KCNIP4: variants seen among roughly 807,000 people sequenced by gnomAD.
KCNIP4 encodes the protein potassium voltage-gated channel interacting protein 4.
KCNIP4 carries 12 observed loss-of-function variants against 34.0 expected under a neutral mutation model. The ratio of observed to expected loss-of-function variants is 0.35; its 90% confidence interval spans 0.23 to 0.57. KCNIP4 has a LOEUF of 0.57. Among genes scored for constraint, KCNIP4 ranks in the 20% least tolerant of loss-of-function variants. The probability of loss-of-function intolerance (pLI) is 0.83; values close to 1 mark genes in which losing one functional copy is unlikely to be tolerated. For synonymous variants in KCNIP4, 124 were observed against 102.2 expected, an observed-to-expected ratio of 1.21 and a Z score of -1.29; for missense variants, 238 against 311.7, an observed-to-expected ratio of 0.76 and a Z score of 1.78.
At chr4:21,017,923 T>G (rs1184307934) in intron 1 of KCNIP4, among the ~76,000 whole-genome samples, 1 of 152,216 alleles carries the variant, frequency 6.6e-6, no homozygotes, top group East Asian at 1.9e-4. Flanking sequence ...GGTTTTGATT[T>G]GCATTTCTCC....
At chr4:20,947,694 A>G (rs1732330988) in intron 1 of KCNIP4, among the ~76,000 whole-genome samples, 1 of 152,228 alleles carries the variant, frequency 6.6e-6, no homozygotes, top group African/African-American at 2.4e-5. Flanking sequence ...TCCTTCTGAG[A>G]TAAGGAGAAT....
intron 1 of KCNIP4, among the ~76,000 whole-genome samples, chr4:21,449,212 T>A (rs927542640): frequency 4.6e-5 from 7 of 152,204 alleles, no homozygotes; most frequent in Non-Finnish European, 8.8e-5. Flanking sequence ...TGGTTGAATT[T>A]TAAAATTGCC....
At chr4:21,167,643 T>C (rs1362547958) in intron 1 of KCNIP4, among the ~76,000 whole-genome samples, 1 of 152,214 alleles carries the variant, frequency 6.6e-6, no homozygotes, top group Non-Finnish European at 1.5e-5. Flanking sequence ...CCCTTAAAGA[T>C]TAGTTCACCA....
At chr4:21,086,144 A>AT (rs995677071) in intron 1 of KCNIP4, among the ~76,000 whole-genome samples, 9 of 152,202 alleles carry the variant, frequency 5.9e-5, no homozygotes, top group Middle Eastern at 3.4e-3. Context: ...GAGTAGTTGT[A>AT]TTTTTTTCAT....
rs920284393 is a variant in KCNIP4 at position 21,117,311 on chromosome 4, G to T, written c.62-234602C>A. Among the ~76,000 whole-genome samples the T allele has an allele frequency of 1.5e-3, 210 of 135,656 alleles. 8 individuals are homozygous for T. The highest frequency in any genetic ancestry group is 5.3e-3 in the African/African-American group (197 of 37,064). The allele number at this position is 135,656 out of a possible 152,430, so 89.0% of individuals were successfully genotyped here. On this transcript the variant is annotated intron_variant, in intron 1 of 8. Transcript: ENST00000382152. The stretch of plus-strand genomic sequence containing the variant: ...CTGGCCGGGGTTGCCGGGGGGGGGG[G>T]GGGGGGGGCGCTGTTTTTCATCTTC...
At chr4:21,492,131 G>T (rs1442423736) in intron 1 of KCNIP4, among the ~76,000 whole-genome samples, 1 of 152,118 alleles carries the variant, frequency 6.6e-6, no homozygotes, top group Non-Finnish European at 1.5e-5. Context: ...AAAAAGGACT[G>T]AATTGTAAAT....
At chr4:21,826,235 A>T (rs1722670363) in intron 1 of KCNIP4, among the ~76,000 whole-genome samples, 1 of 152,172 alleles carries the variant, frequency 6.6e-6, no homozygotes. Context: ...TTTGACAGTT[A>T]CATGGGGATT....
intron 1 of KCNIP4, among the ~76,000 whole-genome samples, chr4:21,221,648 A>G (rs1834348): frequency 0.38 from 57,372 of 152,022 alleles, 12,121 homozygotes; most frequent in African/African-American, 0.58. Flanking sequence ...GCAATTCAAG[A>G]TGATATTCGG....
At chr4:21,268,133 T>A (rs1409242782) in intron 1 of KCNIP4, among the ~76,000 whole-genome samples, 1 of 152,204 alleles carries the variant, frequency 6.6e-6, no homozygotes, top group Non-Finnish European at 1.5e-5. Flanking sequence ...TTTACAACAT[T>A]ATAAAAGGTC....
chr4:21,354,649 A>G (rs1718379397), intron 1 of KCNIP4, among the ~76,000 whole-genome samples: 1 of 152,222 alleles, frequency 6.6e-6, no homozygotes, highest in East Asian at 1.9e-4. Flanking sequence ...TTCTTAAAGC[A>G]AGTCCTTAGA....
chr4:21,782,775 T>C (rs1368208185), intron 1 of KCNIP4, among the ~76,000 whole-genome samples: 30 of 152,054 alleles, frequency 2.0e-4, no homozygotes, highest in Non-Finnish European at 4.4e-5. Flanking sequence ...GGCCAAAATG[T>C]CCTATAGGTG....
intron 1 of KCNIP4, among the ~76,000 whole-genome samples, chr4:21,221,456 G>C (rs1462393298): frequency 6.6e-6 from 1 of 152,110 alleles, no homozygotes; most frequent in African/African-American, 2.4e-5. Context: ...GGGAAGCAAG[G>C]CACCTTCTTC....
intron 1 of KCNIP4, among the ~76,000 whole-genome samples, chr4:21,813,966 C>T (rs1721815565): frequency 6.6e-6 from 1 of 152,090 alleles, no homozygotes; most frequent in African/African-American, 2.4e-5. Flanking sequence ...TGTCAAAATG[C>T]ATTGAGTGTC....
chr4:21,347,823 G>C (rs1439785048), intron 1 of KCNIP4, among the ~76,000 whole-genome samples: 1 of 152,096 alleles, frequency 6.6e-6, no homozygotes, highest in Non-Finnish European at 1.5e-5. Flanking sequence ...TGGAGTCTCA[G>C]GGAGATAAGA....
chr4:21,277,816 G>C (rs1000646793), intron 1 of KCNIP4, among the ~76,000 whole-genome samples: 4 of 152,070 alleles, frequency 2.6e-5, no homozygotes, highest in Non-Finnish European at 5.9e-5. Context: ...CCTATCAAAG[G>C]CACAAAACAG....
intron 1 of KCNIP4, among the ~76,000 whole-genome samples, chr4:21,263,710 C>T (rs1390145076): frequency 2.0e-5 from 3 of 152,208 alleles, no homozygotes; most frequent in East Asian, 1.9e-4. Context: ...CTGTGTCATG[C>T]AGGCTAGAGT....
intron 1 of KCNIP4, among the ~76,000 whole-genome samples, chr4:21,085,640 G>A (rs576319347): frequency 6.6e-6 from 1 of 152,102 alleles, no homozygotes; most frequent in Non-Finnish European, 1.5e-5. Flanking sequence ...GTTGGTTTGG[G>A]TTACCCTAAA....
At chr4:20,935,239 T>C (rs1730942066) in intron 1 of KCNIP4, among the ~76,000 whole-genome samples, 1 of 152,176 alleles carries the variant, frequency 6.6e-6, no homozygotes, top group East Asian at 1.9e-4. Context: ...GACTGAAAAA[T>C]GCTTGTTGCA....
chr4:21,197,810 A>ATTTT (rs1309667110), intron 1 of KCNIP4, among the ~76,000 whole-genome samples: 1 of 152,268 alleles, frequency 6.6e-6, no homozygotes, highest in African/African-American at 2.4e-5. Context: ...TTTTCTGAGC[A>ATTTT]TTTTAAGTTA....
Sources: allele counts gnomAD v4.1 joint callset (sites outside exome capture counted in the v4.1 genomes callset), GRCh38; gene constraint gnomAD v4.1.1; transcripts MANE v1.5; gene names NCBI Gene and HGNC (gene_info 2026-07-23, HGNC 2026-07-21).